The following GRID2 variants were observed in gnomAD, a reference collection of about 807,000 sequenced individuals.
GRID2 encodes glutamate receptor ionotropic, delta-2.
A neutral mutation model predicts 114.8 loss-of-function variants in GRID2; 33 were observed. The observed-to-expected ratio is 0.29, with a 90% confidence interval of 0.22 to 0.38. GRID2 has a LOEUF of 0.38. Ranked by LOEUF, GRID2 falls within the 10% of genes least tolerant of loss-of-function variation. GRID2 has a pLI of 1.00. For missense variants in GRID2, 1,184 were observed against 1,257.7 expected (o/e 0.94, Z 0.89); for synonymous variants, 505 against 449.9 (o/e 1.12, Z -1.55).
chr4:92,625,574 T>TA (rs1429853175), intron 2 of GRID2, among the ~76,000 whole-genome samples: 1 of 151,802 alleles, frequency 6.6e-6, no homozygotes, highest in Non-Finnish European at 1.5e-5. Context: ...AGCCTGCATT[T>TA]AAAAAAACCC....
intron 1 of GRID2, among the ~76,000 whole-genome samples, chr4:93,784,751 T>C (rs960151290): frequency 6.6e-6 from 1 of 151,924 alleles, no homozygotes; most frequent in Non-Finnish European, 1.5e-5. Context: ...TATACCTAAC[T>C]GTGACATAAG....
intron 1 of GRID2, among the ~76,000 whole-genome samples, chr4:92,322,001 G>A (rs1177845204): frequency 6.6e-6 from 1 of 152,028 alleles, no homozygotes; most frequent in African/African-American, 2.4e-5. Context: ...TTGCAAATAA[G>A]GTTCATATTT....
chr4:93,219,373 A>C (rs893385568), intron 6 of GRID2, among the ~76,000 whole-genome samples: 5 of 152,150 alleles, frequency 3.3e-5, no homozygotes, highest in African/African-American at 1.2e-4. Context: ...ATTTATGTCT[A>C]TATTCCTAAT....
chr4:92,674,165 T>C (rs1425971139), intron 2 of GRID2, among the ~76,000 whole-genome samples: 2 of 152,114 alleles, frequency 1.3e-5, no homozygotes, highest in Admixed American at 1.3e-4. Flanking sequence ...TCAGTTGATA[T>C]TTTTCATCAA....
intron 13 of GRID2, among the ~76,000 whole-genome samples, chr4:93,554,699 C>G (rs1270827013): frequency 1.3e-5 from 2 of 152,100 alleles, no homozygotes; most frequent in East Asian, 3.9e-4. Flanking sequence ...TCTCCTGAGC[C>G]CAAGCAATCC....
chr4:93,415,446 C>T (rs144324738), intron 9 of GRID2, among the ~76,000 whole-genome samples: 128 of 152,156 alleles, frequency 8.4e-4, no homozygotes, highest in African/African-American at 2.9e-3. Flanking sequence ...ATACTCAAAA[C>T]GCAGTCTGAG....
At chr4:93,653,417 G>A (rs552664505) in intron 14 of GRID2, among the ~76,000 whole-genome samples, 5 of 152,200 alleles carry the variant, frequency 3.3e-5, no homozygotes, top group South Asian at 4.1e-4. Context: ...TCTGAAACCC[G>A]AGAATGCTAA....
chr4:93,120,681 C>T (rs745795941), intron 4 of GRID2, among the ~76,000 whole-genome samples: 13 of 151,928 alleles, frequency 8.6e-5, no homozygotes, highest in South Asian at 2.1e-4. Context: ...GGACTGGGCG[C>T]GGTGGCTCAG....
chr4:93,480,655 G>C (rs2149446197), intron 11 of GRID2, among the ~76,000 whole-genome samples: 1 of 152,104 alleles, frequency 6.6e-6, no homozygotes, highest in Admixed American at 6.6e-5. Flanking sequence ...CTTATAGTTA[G>C]TCATCCACAC....
chr4:93,189,391 C>T (rs190819437), intron 4 of GRID2, among the ~76,000 whole-genome samples: 66 of 152,160 alleles, frequency 4.3e-4, no homozygotes, highest in African/African-American at 1.4e-3. Flanking sequence ...AACCAGATCC[C>T]TCACATTTGT....
intron 1 of GRID2, among the ~76,000 whole-genome samples, chr4:92,554,969 A>G: frequency 6.6e-6 from 1 of 152,184 alleles, no homozygotes; most frequent in East Asian, 1.9e-4. Context: ...ATAATAAGAT[A>G]TTTTGCATAA....
intron 1 of GRID2, among the ~76,000 whole-genome samples, chr4:92,403,867 G>C (rs1475055430): frequency 1.3e-5 from 2 of 151,956 alleles, no homozygotes; most frequent in Non-Finnish European, 2.9e-5. Flanking sequence ...AGAGAGATAG[G>C]GAATGGCTGG....
chr4:93,420,633 T>G (rs1308880272), intron 9 of GRID2, among the ~76,000 whole-genome samples: 1 of 152,052 alleles, frequency 6.6e-6, no homozygotes, highest in Non-Finnish European at 1.5e-5. Flanking sequence ...GATCTAATGA[T>G]CTTCAATATT....
intron 14 of GRID2, among the ~76,000 whole-genome samples, chr4:93,694,910 G>A (rs987217211): frequency 6.6e-6 from 1 of 152,116 alleles, no homozygotes; most frequent in Non-Finnish European, 1.5e-5. Context: ...GGTGGCTCAC[G>A]CTTGTAATCC....
In GRID2 at chr4:92,697,218, G is replaced by A. The variant is rs1214594708; in HGVS notation, c.244+106932G>A. ...TATCTTGGCTAAGAGTAAATGTCTT[G>A]TTGTCTTAATGACCATGGAAGGCTT... is the stretch of plus-strand genomic sequence containing the variant. On this transcript the variant is annotated intron_variant, in intron 2 of 15. Coordinates refer to ENST00000282020, the MANE Select transcript of GRID2 (RefSeq NM_001510.4). Among the ~76,000 whole-genome samples the A allele has an allele frequency of 3.9e-5, 6 of 152,206 alleles. No homozygotes were observed. The East Asian group carries it at 1.2e-3, about 29-fold the overall frequency.
chr4:93,417,832 C>G (rs1767874542), intron 9 of GRID2, among the ~76,000 whole-genome samples: 1 of 151,608 alleles, frequency 6.6e-6, no homozygotes, highest in South Asian at 2.1e-4. Flanking sequence ...CAATGTACCA[C>G]AATATATTTA....
chr4:93,162,625 T>G (rs2149409326), intron 4 of GRID2, among the ~76,000 whole-genome samples: 1 of 152,128 alleles, frequency 6.6e-6, no homozygotes, highest in Admixed American at 6.6e-5. Context: ...ATGAATTTAT[T>G]TTACAGGTAC....
At chr4:92,748,435 A>G (rs1438354792) in intron 2 of GRID2, among the ~76,000 whole-genome samples, 1 of 151,700 alleles carries the variant, frequency 6.6e-6, no homozygotes, top group Non-Finnish European at 1.5e-5. Context: ...AAACTACATG[A>G]TGATCTCCAT....
chr4:92,669,670 A>AT (rs987996794), intron 2 of GRID2, among the ~76,000 whole-genome samples: 3 of 152,034 alleles, frequency 2.0e-5, no homozygotes, highest in Non-Finnish European at 4.4e-5. Flanking sequence ...GTTGAAACTA[A>AT]TAGCGCCCTT....
Sources: allele counts gnomAD v4.1 joint callset (sites outside exome capture counted in the v4.1 genomes callset), GRCh38; gene constraint gnomAD v4.1.1; transcripts MANE v1.5; gene names NCBI Gene and HGNC (gene_info 2026-07-23, HGNC 2026-07-21).